Variants in PIK3C2G observed in about 807,000 individuals in gnomAD.
The protein encoded by PIK3C2G is phosphatidylinositol-4-phosphate 3-kinase catalytic subunit type 2 gamma, also known as phosphatidylinositol 3-kinase C2 domain-containing subunit gamma.
PIK3C2G carries 168 observed loss-of-function variants against 181.1 expected under a neutral mutation model. The observed-to-expected ratio is 0.93, with a 90% CI of 0.82 to 1.05. The LOEUF (loss-of-function observed/expected upper bound fraction) is 1.05. Among genes scored for constraint, PIK3C2G ranks in the 50% least tolerant of loss-of-function variants. The pLI is 0.00. For synonymous variants in PIK3C2G, 573 were observed against 592.2 expected (o/e 0.97, Z 0.47); for missense variants, 1,869 against 1,732.8 (o/e 1.08, Z -1.40).
chr12:18,628,258 A>C (rs1225085223), intron 31 of PIK3C2G, among the ~76,000 whole-genome samples: 1 of 152,152 alleles, frequency 6.6e-6, no homozygotes, highest in Non-Finnish European at 1.5e-5. Flanking sequence ...ATGAGTGCAA[A>C]ATAAATATTT....
intron 5 of PIK3C2G, among the ~76,000 whole-genome samples, chr12:18,298,290 A>AT (rs1234678920): frequency 1.3e-5 from 2 of 151,580 alleles, no homozygotes; most frequent in African/African-American, 2.4e-5. Context: ...TGATTTGAAC[A>AT]TTTTTTATAT....
chr12:18,437,937 T>C (rs76873018), intron 18 of PIK3C2G, among the ~76,000 whole-genome samples: 2,221 of 152,008 alleles, frequency 0.015, 62 homozygotes, highest in African/African-American at 0.05. Context: ...CAAATATCTA[T>C]TCTCCCAGTT....
chr12:18,473,815 T>G (rs944265288), intron 18 of PIK3C2G, among the ~76,000 whole-genome samples: 1 of 152,212 alleles, frequency 6.6e-6, no homozygotes, highest in Non-Finnish European at 1.5e-5. Flanking sequence ...TAACTGAAGG[T>G]ACAGAACTTG....
chr12:18,500,456 G>C (rs1941363030), intron 22 of PIK3C2G, among the ~76,000 whole-genome samples: 1 of 152,190 alleles, frequency 6.6e-6, no homozygotes. Context: ...GTGCAGCCGA[G>C]CCTCCCCTAC....
At chr12:18,423,884 C>T (rs534377550) in intron 17 of PIK3C2G, 61 bp from the exon 18 acceptor site, 5 of 968,158 alleles carry the variant, frequency 5.2e-6, no homozygotes, top group South Asian at 4.1e-5. Context: ...CTCTGAAGTC[C>T]CTCTGTATTC....
the PIK3C2G span, chr12:18,695,083 T>G: frequency 1.2e-6 from 2 of 1,611,622 alleles, no homozygotes; most frequent in Non-Finnish European, 1.7e-6. Context: ...AAAGCCACTG[T>G]AAGAAAGAAG....
intron 29 of PIK3C2G, among the ~76,000 whole-genome samples, chr12:18,576,319 G>A (rs937579729): frequency 2.0e-5 from 3 of 152,174 alleles, no homozygotes; most frequent in Non-Finnish European, 2.9e-5. Context: ...TGGTTGCCTA[G>A]TGCCATGCCC....
chr12:18,430,394 C>T (rs1946088937), intron 18 of PIK3C2G, among the ~76,000 whole-genome samples: 1 of 152,140 alleles, frequency 6.6e-6, no homozygotes, highest in African/African-American at 2.4e-5. Context: ...GCAAAAATCT[C>T]TTCAAAATGT....
At chr12:18,281,535 A>C (rs1054862209) in intron 1 of PIK3C2G, among the ~76,000 whole-genome samples, 1 of 151,872 alleles carries the variant, frequency 6.6e-6, no homozygotes, top group East Asian at 1.9e-4. Flanking sequence ...GGGGAAAAAA[A>C]GTTTAGCTAA....
intron 8 of PIK3C2G, among the ~76,000 whole-genome samples, chr12:18,331,470 C>G (rs1937957198): frequency 6.6e-6 from 1 of 151,968 alleles, no homozygotes; most frequent in Admixed American, 6.6e-5. Context: ...TTGTTTGTTA[C>G]TAATACGTGG....
At chr12:18,303,835 C>T (rs1302542465) in intron 5 of PIK3C2G, among the ~76,000 whole-genome samples, 11 of 151,886 alleles carry the variant, frequency 7.2e-5, no homozygotes, top group Non-Finnish European at 1.3e-4. Context: ...CGGCCAATTG[C>T]TTACAGGATG....
chr12:18,393,334 T>C (rs1565671495), intron 15 of PIK3C2G, among the ~76,000 whole-genome samples: 1 of 152,078 alleles, frequency 6.6e-6, no homozygotes, highest in Non-Finnish European at 1.5e-5. Context: ...TGAAAATAGA[T>C]GGAGAACAGC....
At chr12:18,369,565 C>T (rs1329251603) in intron 12 of PIK3C2G, among the ~76,000 whole-genome samples, 1 of 17,818 alleles carries the variant, frequency 5.6e-5, no homozygotes, top group Non-Finnish European at 9.3e-5. Context: ...GATCATATAA[C>T]GATCGTATAA....
the PIK3C2G span, among the ~76,000 whole-genome samples, chr12:18,681,817 G>T: frequency 1.3e-5 from 2 of 152,006 alleles, no homozygotes; most frequent in Non-Finnish European, 2.9e-5. Flanking sequence ...TCATTTCAAA[G>T]CTTGATGGTA....
At chr12:18,659,858 G>T in the PIK3C2G span, among the ~76,000 whole-genome samples, 3 of 152,082 alleles carry the variant, frequency 2.0e-5, no homozygotes, top group South Asian at 6.2e-4. Context: ...AACTGAGACA[G>T]TTAACTGCTA....
intron 24 of PIK3C2G, 33 bp from the exon 25 acceptor site, chr12:18,538,123 C>G: frequency 6.3e-7 from 1 of 1,586,094 alleles, no homozygotes; most frequent in South Asian, 1.2e-5. Context: ...ATTTCTCTTC[C>G]TTCGAATGAT....
Position 18,313,997 on chromosome 12 carries a change from AAG to A in PIK3C2G, c.1072_1073del (p.Asp358Ter). 3.1e-6 allele frequency: 5 copies of A among 1,592,168 alleles called. No individual in the cohort carries two copies. The East Asian group carries it at 1.1e-4, about 36-fold the overall frequency. On this transcript the variant is annotated frameshift_variant, in exon 6 of 33. Coordinates refer to ENST00000538779, the MANE Select transcript of PIK3C2G (RefSeq NM_001288772.2). LOFTEE classifies it high-confidence loss of function. ...TTGGGGAGCCACAAAATGTTTCAAA[AAG>A]ATAAATCTGTTATTCAGCTCCACCT... is the stretch of plus-strand genomic sequence containing the variant.
At chr12:18,389,739 G>GA (rs1255765148) in intron 14 of PIK3C2G, among the ~76,000 whole-genome samples, 2 of 151,988 alleles carry the variant, frequency 1.3e-5, no homozygotes, top group African/African-American at 4.8e-5. Flanking sequence ...CATAATTCAT[G>GA]AAAAAATGCA....
At chr12:18,658,049 G>A in the PIK3C2G span, among the ~76,000 whole-genome samples, 1 of 152,104 alleles carries the variant, frequency 6.6e-6, no homozygotes, top group East Asian at 1.9e-4. Context: ...TATAACAACT[G>A]AAATGAAAAA....
Sources: gnomAD v4.1 joint callset for allele counts (sites outside exome capture counted in the v4.1 genomes callset) on GRCh38, gnomAD v4.1.1 for gene constraint, MANE v1.5 for transcripts, NCBI Gene and HGNC (gene_info 2026-07-23, HGNC 2026-07-21) for gene names.